ZEB2: variants seen among roughly 807,000 people sequenced by gnomAD.
The protein encoded by ZEB2 is zinc finger E-box binding homeobox 2, also known as zinc finger E-box-binding homeobox 2.
In ZEB2, 6 loss-of-function variants were observed where a neutral mutation model predicts 99.9. The observed-to-expected ratio is 0.06, with a 90% CI of 0.03 to 0.12. ZEB2 has a LOEUF of 0.12. ZEB2 is among the 10% of genes least tolerant of loss of function. ZEB2 has a pLI of 1.00. For missense variants in ZEB2, 969 were observed against 1,502.8 expected (o/e 0.64, Z 5.87); for synonymous variants, 517 against 542.5 (o/e 0.95, Z 0.65).
intron 2 of ZEB2, among the ~76,000 whole-genome samples, chr2:144,477,308 C>T (rs1218369846): frequency 6.6e-6 from 1 of 152,202 alleles, no homozygotes; most frequent in Non-Finnish European, 1.5e-5. Context: ...GCAACATTTA[C>T]TTTCATCTAA....
chr2:144,434,708 G>GATCCCCTTAA (rs1703815061), intron 2 of ZEB2, among the ~76,000 whole-genome samples: 1 of 152,128 alleles, frequency 6.6e-6, no homozygotes, highest in Non-Finnish European at 1.5e-5. Flanking sequence ...TACTTTCATG[G>GATCCCCTTAA]ATCCCCTTAA....
Position 144,418,048 on chromosome 2 carries a change from T to C in ZEB2, c.403+6748A>G, listed in dbSNP as rs375278632. On this transcript the variant is annotated intron_variant, in intron 4 of 9. Transcript: ENST00000627532. The stretch of plus-strand genomic sequence containing the variant: ...GAAAGGAAAAGTCTGACAGCTTTCA[T>C]CATTATTATACGTAATCATTATAAA... Among the ~76,000 whole-genome samples, 6 of 152,328 alleles carry C rather than the reference T, an allele frequency of 3.9e-5. No individual in the cohort carries two copies. The East Asian group carries it at 9.6e-4, about 24-fold the overall frequency.
chr2:144,417,904 A>G (rs932323293), intron 4 of ZEB2, among the ~76,000 whole-genome samples: 2 of 152,230 alleles, frequency 1.3e-5, no homozygotes, highest in Non-Finnish European at 2.9e-5. Flanking sequence ...TTGATCATTA[A>G]TTTATACATG....
intron 4 of ZEB2, among the ~76,000 whole-genome samples, chr2:144,413,563 A>G (rs1196101068): frequency 1.3e-5 from 2 of 152,162 alleles, no homozygotes; most frequent in Admixed American, 6.5e-5. Flanking sequence ...TAAAAACTCA[A>G]TGTATGAAGT....
At chr2:144,439,993 A>G (rs1413171071) in intron 2 of ZEB2, among the ~76,000 whole-genome samples, 1 of 152,174 alleles carries the variant, frequency 6.6e-6, no homozygotes, top group Non-Finnish European at 1.5e-5. Flanking sequence ...CTACAACTTT[A>G]TTAATTTTTT....
chr2:144,512,070 G>T, intron 2 of ZEB2: 1 of 1,287,148 alleles, frequency 7.8e-7, no homozygotes, highest in Non-Finnish European at 1.0e-6. Flanking sequence ...GCCCCCTTGT[G>T]GGAATGCGGG....
intron 2 of ZEB2, among the ~76,000 whole-genome samples, chr2:144,439,133 G>GAAAAAAAA (rs1174940162): frequency 2.5e-5 from 2 of 79,696 alleles, no homozygotes. Flanking sequence ...CTGGGAGGAA[G>GAAAAAAAA]AAAAAAAAAA....
At chr2:144,424,426 C>T (rs376888902) in intron 4 of ZEB2, 29 of 526,346 alleles carry the variant, frequency 5.5e-5, no homozygotes, top group South Asian at 1.7e-4. Flanking sequence ...GAATTCTCAA[C>T]GACTGATATC....
chr2:144,491,844 T>A (rs968795818), intron 2 of ZEB2, among the ~76,000 whole-genome samples: 6 of 152,250 alleles, frequency 3.9e-5, no homozygotes, highest in Non-Finnish European at 7.3e-5. Flanking sequence ...TACTCTAAAC[T>A]GCTTTATATA....
At chr2:144,476,930 A>C (rs1017389563) in intron 2 of ZEB2, among the ~76,000 whole-genome samples, 21 of 152,234 alleles carry the variant, frequency 1.4e-4, no homozygotes, top group African/African-American at 4.8e-4. Flanking sequence ...TGCAACTTTC[A>C]AACTTAATCT....
chr2:144,413,656 T>C (rs1400044797), intron 4 of ZEB2, among the ~76,000 whole-genome samples: 1 of 152,226 alleles, frequency 6.6e-6, no homozygotes, highest in Non-Finnish European at 1.5e-5. Flanking sequence ...AAAAATGTGA[T>C]AGATACAACC....
chr2:144,490,075 A>T (rs1448317504), intron 2 of ZEB2, among the ~76,000 whole-genome samples: 1 of 152,208 alleles, frequency 6.6e-6, no homozygotes, highest in East Asian at 1.9e-4. Context: ...TTTCCTGATC[A>T]GTAAGCAGAC....
At chr2:144,395,721 T>C (rs1573712911) in intron 9 of ZEB2, among the ~76,000 whole-genome samples, 2 of 152,308 alleles carry the variant, frequency 1.3e-5, no homozygotes, top group East Asian at 3.9e-4. Flanking sequence ...TCATCTTTCT[T>C]TTCAAAAATT....
intron 2 of ZEB2, chr2:144,513,722 GT>G: frequency 6.5e-7 from 1 of 1,535,984 alleles, no homozygotes; most frequent in Non-Finnish European, 8.7e-7. Flanking sequence ...AACTTTGCAA[GT>G]TACAAACGGG....
chr2:144,400,044 C>A lies in ZEB2; in HGVS notation c.1143G>T (p.Met381Ile). Residue 381 changes from methionine (M) to isoleucine (I), a missense_variant, in exon 8 of 10, where the codon ATG becomes ATT. Physicochemically the swap from Met to Ile is conservative, Grantham distance 10 (BLOSUM62 1). Around this residue, in one of 8 missense-constraint regions of ZEB2, gnomAD observed 227 missense variants for 278.2 expected, o/e 0.82. Coordinates refer to ENST00000627532, the MANE Select transcript of ZEB2 (RefSeq NM_014795.4). Reference sequence around the variant, plus strand: ...TTTTAAGTAAGCCTGTCTGTTCAGACATACTAAGTGGTTTTCCATTCTCCA... The same window carrying A: ...TTTTAAGTAAGCCTGTCTGTTCAGAAATACTAAGTGGTTTTCCATTCTCCA... Reference protein sequence around the residue: ...NKLENGKPLSMSEQTGLLKIK... With the variant: ...NKLENGKPLSISEQTGLLKIK... 1.2e-6 allele frequency: 2 copies of A among 1,614,034 alleles called. No individual in the cohort carries two copies. The highest frequency in any genetic ancestry group is 1.7e-6 in the Non-Finnish European group (2 of 1,179,882).
Position 144,386,301 on chromosome 2 carries a change from T to C in ZEB2, c.*3150A>G, listed in dbSNP as rs575307199. On this transcript the variant is annotated 3_prime_UTR_variant, in exon 10 of 10. Coordinates refer to ENST00000627532, the MANE Select transcript of ZEB2 (RefSeq NM_014795.4). ...TGTTTGCGACCTTGGAGAAGAATCT[T>C]AAGACAAATCAAAAGTTTTTATTTT... 4.6e-5 allele frequency: 7 copies of C among 152,274 alleles called. No homozygotes were observed. Among genetic ancestry groups the C allele is most frequent in the African/African-American group, 1.2e-4 (5 of 41,554 alleles). The allele number at this position is 152,274 out of a possible 1,614,324, so 9.4% of individuals were successfully genotyped here.
rs1477736924 is a variant in ZEB2, at chr2:144,513,055, A to G, written c.73+4223T>C. On this transcript the variant is annotated intron_variant, in intron 2 of 9. Coordinates refer to ENST00000627532, the MANE Select transcript of ZEB2 (RefSeq NM_014795.4). Reference sequence around the variant, plus strand: ...AAACTTCCTTGTCTAAGTGTGTATGACTCTCGTTGCCCCATCCCAACTTCA... The same window carrying G: ...AAACTTCCTTGTCTAAGTGTGTATGGCTCTCGTTGCCCCATCCCAACTTCA... 2.3e-6 allele frequency: 3 copies of G among 1,287,118 alleles called. No homozygotes were observed. The Admixed American group carries it at 6.9e-5, about 30-fold the overall frequency. 79.7% of individuals were successfully genotyped at this position (1,287,118 alleles called of 1,614,324 possible).
At chr2:144,507,914 A>T (rs1319650602) in intron 2 of ZEB2, among the ~76,000 whole-genome samples, 1 of 152,152 alleles carries the variant, frequency 6.6e-6, no homozygotes, top group Non-Finnish European at 1.5e-5. Context: ...TTGGTCTTTG[A>T]TTTATATTTA....
intron 2 of ZEB2, among the ~76,000 whole-genome samples, chr2:144,440,499 ATATATATATATATATATTTTTTTTT>A (rs1483818314): frequency 4.8e-4 from 11 of 22,976 alleles, no homozygotes; most frequent in Non-Finnish European, 5.5e-4. Flanking sequence ...ATATATATAT[ATATATATATATATATATTTTTTTTT>A]TTTTTTTTTT....
Sources: gnomAD v4.1 joint callset for allele counts (sites outside exome capture counted in the v4.1 genomes callset) on GRCh38, gnomAD v4.1.1 for gene constraint, gnomAD v4.1.1 regional missense constraint, MANE v1.5 for transcripts, NCBI Gene and HGNC (gene_info 2026-07-23, HGNC 2026-07-21) for gene names.